ZFAT: variants seen among roughly 807,000 people sequenced by gnomAD.
The protein encoded by ZFAT is zinc finger protein ZFAT.
In ZFAT, 64 loss-of-function variants were observed where a neutral mutation model predicts 117.7. That is an observed-to-expected ratio of 0.54 (90% confidence interval 0.44 to 0.67). The LOEUF (loss-of-function observed/expected upper bound fraction) is 0.67, where lower values mean the gene tolerates loss of function less well. ZFAT is among the 30% of genes least tolerant of loss of function. ZFAT has a pLI of 0.00. For missense variants in ZFAT, 1,433 were observed against 1,584.5 expected (o/e 0.90, Z 1.62); for synonymous variants, 679 against 615.0 (o/e 1.10, Z -1.54).
chr8:134,609,667 C>G (rs1480713001), intron 4 of ZFAT, among the ~76,000 whole-genome samples: 1 of 152,132 alleles, frequency 6.6e-6, no homozygotes, highest in African/African-American at 2.4e-5. Flanking sequence ...TTTTATTTGA[C>G]AGCAATCACC....
At chr8:134,595,724 T>C (rs980741279) in intron 7 of ZFAT, among the ~76,000 whole-genome samples, 43 of 152,242 alleles carry the variant, frequency 2.8e-4, no homozygotes, top group African/African-American at 9.4e-4. Context: ...CATTATTTAG[T>C]TACTAATTGG....
intron 15 of ZFAT, among the ~76,000 whole-genome samples, chr8:134,508,887 T>G (rs919375854): frequency 6.6e-6 from 1 of 152,246 alleles, no homozygotes; most frequent in Non-Finnish European, 1.5e-5. Context: ...AGATTATATA[T>G]TTCCCTGGTT....
intron 7 of ZFAT, among the ~76,000 whole-genome samples, chr8:134,595,197 C>T (rs901433532): frequency 3.3e-5 from 5 of 152,298 alleles, no homozygotes; most frequent in Non-Finnish European, 4.4e-5. Context: ...AACATTTAAA[C>T]GCTGAAACAA....
At chr8:134,713,693 T>G (rs1257749202), upstream of ZFAT, among the ~76,000 whole-genome samples, 1 of 152,010 alleles carries the variant, frequency 6.6e-6, no homozygotes, top group Non-Finnish European at 1.5e-5. Flanking sequence ...GGCAGCTGAG[T>G]CTGGTGGAAA....
chr8:134,611,993 G>C (rs1453051578), intron 3 of ZFAT, among the ~76,000 whole-genome samples: 1 of 152,202 alleles, frequency 6.6e-6, no homozygotes, highest in Non-Finnish European at 1.5e-5. Context: ...AAGAACAAAG[G>C]AGCCACCTCT....
At chr8:134,641,049 C>G (rs1830551510) in intron 2 of ZFAT, among the ~76,000 whole-genome samples, 1 of 152,176 alleles carries the variant, frequency 6.6e-6, no homozygotes, top group Admixed American at 6.5e-5. Context: ...CCTCACCACC[C>G]AGATGCCTGC....
intron 1 of ZFAT, chr8:134,673,334 C>G (rs567989255): frequency 4.6e-5 from 7 of 153,196 alleles, no homozygotes; most frequent in African/African-American, 1.4e-4. Context: ...ATTGAGATAC[C>G]CATTACTCAG....
intron 1 of ZFAT, among the ~76,000 whole-genome samples, chr8:134,703,868 A>G (rs1834077179): frequency 6.6e-6 from 1 of 152,216 alleles, no homozygotes; most frequent in Non-Finnish European, 1.5e-5. Flanking sequence ...AGACTGACAG[A>G]GGGAGAATGG....
At chr8:134,760,988 C>A in the ZFAT span, among the ~76,000 whole-genome samples, 3 of 152,144 alleles carry the variant, frequency 2.0e-5, no homozygotes, top group Admixed American at 1.3e-4. Context: ...TATGGATGAG[C>A]AGACACCGGA....
chr8:134,566,045 T>G (rs1050715960), intron 10 of ZFAT, among the ~76,000 whole-genome samples: 1 of 151,730 alleles, frequency 6.6e-6, no homozygotes, highest in Non-Finnish European at 1.5e-5. Context: ...CAAAGGCATT[T>G]TGGGGAGAAT....
intron 11 of ZFAT, chr8:134,565,061 T>G: frequency 7.0e-7 from 1 of 1,421,356 alleles, no homozygotes; most frequent in Non-Finnish European, 9.3e-7. Context: ...ATCACTCCAG[T>G]GCTTTTATGC....
At chr8:134,507,631 CT>C (rs934538224) in intron 15 of ZFAT, among the ~76,000 whole-genome samples, 2 of 152,218 alleles carry the variant, frequency 1.3e-5, no homozygotes, top group Non-Finnish European at 2.9e-5. Context: ...TGCCTCATCC[CT>C]TGTGGTGCTG....
At position 134,550,310 on chromosome 8, in the gene ZFAT, G is replaced by GAAAAA. The variant is rs10680896; in HGVS notation, c.2976+15018_2976+15022dup. Among the ~76,000 whole-genome samples the GAAAAA allele has an allele frequency of 2.8e-3, 202 of 72,504 alleles. 11 individuals carry two copies. Among genetic ancestry groups the GAAAAA allele is most frequent in the African/African-American group, 9.2e-3 (182 of 19,812 alleles). 47.6% of individuals were successfully genotyped at this position (72,504 alleles called of 152,430 possible). A position where few individuals can be genotyped will look rare whatever the true frequency, so the allele number is the denominator to read the frequency against. ...ATTCCATCCAGGGTTGGTCACAACGGAAAAAAAAAAAAAAAAAAAAAACAG... is the reference window on the plus strand; with the variant it reads ...ATTCCATCCAGGGTTGGTCACAACGGAAAAAAAAAAAAAAAAAAAAAAAAAAACAG... On this transcript the variant is annotated intron_variant, in intron 11 of 15. Transcript: ENST00000377838.
chr8:134,653,283 AAAAAAAAAC>A (rs1345652804), intron 2 of ZFAT, among the ~76,000 whole-genome samples: 15 of 116,202 alleles, frequency 1.3e-4, no homozygotes, highest in East Asian at 7.9e-4. Context: ...AAAAAAAAAA[AAAAAAAAAC>A]AAAAAACAGG....
chr8:134,696,797 G>A (rs12679966), intron 1 of ZFAT, among the ~76,000 whole-genome samples: 49,470 of 152,194 alleles, frequency 0.33, 8,665 homozygotes, highest in South Asian at 0.43. Flanking sequence ...CTGGGAGCCC[G>A]CTCCAGTCCC....
chr8:134,605,544 A>AC (rs1391421187), intron 5 of ZFAT, among the ~76,000 whole-genome samples: 1 of 143,768 alleles, frequency 7.0e-6, no homozygotes, highest in Non-Finnish European at 1.5e-5. Context: ...ACAGAGCCAG[A>AC]CCCCATCTCA....
the ZFAT span, chr8:134,785,723 T>C: frequency 3.1e-5 from 4 of 131,082 alleles, no homozygotes; most frequent in African/African-American, 8.3e-5. Context: ...GTTATCACTA[T>C]AGTTTTATAA....
intron 1 of ZFAT, among the ~76,000 whole-genome samples, chr8:134,679,258 C>G (rs1272862725): frequency 6.6e-6 from 1 of 152,098 alleles, no homozygotes; most frequent in Admixed American, 6.6e-5. Flanking sequence ...AACAAACAAC[C>G]CCATCAGAAA....
At chr8:134,745,102 C>T in the ZFAT span, among the ~76,000 whole-genome samples, 2 of 152,136 alleles carry the variant, frequency 1.3e-5, no homozygotes, top group African/African-American at 4.8e-5. Flanking sequence ...CCCTATGTCA[C>T]CTGATTTGGT....
Sources: gnomAD v4.1 joint callset for allele counts (sites outside exome capture counted in the v4.1 genomes callset) on GRCh38, gnomAD v4.1.1 for gene constraint, MANE v1.5 for transcripts, NCBI Gene and HGNC (gene_info 2026-07-23, HGNC 2026-07-21) for gene names.